The following MEF2C variants were observed in gnomAD, a reference collection of about 807,000 sequenced individuals.
MEF2C encodes myocyte-specific enhancer factor 2C.
In MEF2C, 6 loss-of-function variants were observed where a neutral mutation model predicts 50.5. The ratio of observed to expected loss-of-function variants is 0.12; its 90% confidence interval spans 0.07 to 0.23. The LOEUF (loss-of-function observed/expected upper bound fraction) is 0.23, where lower values mean the gene tolerates loss of function less well. MEF2C is among the 10% of genes least tolerant of loss of function. The pLI, the probability that MEF2C is intolerant of heterozygous loss-of-function variation, is 1.00. For missense variants in MEF2C, 276 were observed against 605.0 expected (o/e 0.46, Z 5.70); for synonymous variants, 183 against 228.0 (o/e 0.80, Z 1.78).
intron 2 of MEF2C, among the ~76,000 whole-genome samples, chr5:88,807,908 A>C (rs1801198201): frequency 3.3e-5 from 5 of 152,148 alleles, no homozygotes; most frequent in Admixed American, 2.6e-4. Context: ...TTACATTTCA[A>C]CTTGGATAAT....
At chr5:88,741,608 G>A in intron 6 of MEF2C, 2 of 981,732 alleles carry the variant, frequency 2.0e-6, no homozygotes, top group Non-Finnish European at 2.4e-6. Context: ...ATGTTATAAT[G>A]TTTGAATATG....
intron 3 of MEF2C, among the ~76,000 whole-genome samples, chr5:88,802,257 T>C (rs1798681856): frequency 6.6e-6 from 1 of 152,256 alleles, no homozygotes; most frequent in Admixed American, 6.5e-5. Context: ...ATTTTTGAGA[T>C]GAGAAAACGT....
intron 1 of MEF2C, among the ~76,000 whole-genome samples, chr5:88,893,150 CTT>C (rs1462410701): frequency 6.6e-6 from 1 of 152,072 alleles, no homozygotes; most frequent in African/African-American, 2.4e-5. Context: ...AAAAAACAGA[CTT>C]AGAGAATGTC....
chr5:88,896,714 G>A (rs1365520764), intron 1 of MEF2C, among the ~76,000 whole-genome samples: 1 of 152,110 alleles, frequency 6.6e-6, no homozygotes, highest in East Asian at 1.9e-4. Flanking sequence ...AAAAGATTTT[G>A]AACACTACTA....
intron 1 of MEF2C, among the ~76,000 whole-genome samples, chr5:88,832,467 C>T (rs145844304): frequency 6.6e-6 from 1 of 152,058 alleles, no homozygotes; most frequent in East Asian, 1.9e-4. Flanking sequence ...TTCACATATG[C>T]CCAATTGTAA....
chr5:88,839,413 CA>C (rs1187082597), intron 1 of MEF2C: 4 of 151,768 alleles, frequency 2.6e-5, no homozygotes, highest in African/African-American at 9.7e-5. Flanking sequence ...AGATGCTAGG[CA>C]GTTGATGGTG....
intron 5 of MEF2C, chr5:88,749,959 G>C (rs1022358412): frequency 6.4e-6 from 1 of 155,500 alleles, no homozygotes; most frequent in Admixed American, 6.5e-5. Flanking sequence ...GAACCTGGGA[G>C]GCAGAGCTTG....
At chr5:88,734,445 G>A in intron 6 of MEF2C, 1 of 985,250 alleles carries the variant, frequency 1.0e-6, no homozygotes, top group Non-Finnish European at 1.2e-6. Context: ...TTTGCATGGA[G>A]GAGTTATTTT....
chr5:88,793,346 T>A (rs114378323), intron 3 of MEF2C, among the ~76,000 whole-genome samples: 181 of 152,248 alleles, frequency 1.2e-3, no homozygotes, highest in African/African-American at 4.2e-3. Flanking sequence ...TAAGGGCAGG[T>A]TAATGGCAGG....
rs1759213037 is a variant in MEF2C at position 88,727,163 on chromosome 5, A to T, written c.1100+1330T>A. On this transcript the variant is annotated intron_variant, in intron 10 of 10. Transcript: ENST00000504921. ...TTACCTGAAGAAGTTCCCACAGTTA[A>T]TGTCTACTTGAATAGTTAACATTCC... is the stretch of plus-strand genomic sequence containing the variant. Among the ~76,000 whole-genome samples the T allele has an allele frequency of 2.6e-5, 4 of 152,166 alleles. No homozygotes were observed. The South Asian group carries it at 8.3e-4, about 31-fold the overall frequency.
At chr5:88,844,078 G>A (rs1191848321) in intron 1 of MEF2C, among the ~76,000 whole-genome samples, 1 of 152,138 alleles carries the variant, frequency 6.6e-6, no homozygotes, top group African/African-American at 2.4e-5. Flanking sequence ...CCAAAGTGCT[G>A]GGATTACAGG....
At chr5:88,879,533 G>A (rs554933186) in intron 1 of MEF2C, among the ~76,000 whole-genome samples, 48 of 151,982 alleles carry the variant, frequency 3.2e-4, no homozygotes, top group African/African-American at 1.0e-3. Context: ...ATTTTCTGCT[G>A]AATTACTCAA....
rs201507162 is a variant in MEF2C, at chr5:88,869,298, CATAT to C, written c.-143+13653_-143+13656del. 5.4e-4 allele frequency among the ~76,000 whole-genome samples: 55 copies of C among 101,128 alleles called. 1 individual carries two copies. Among genetic ancestry groups the C allele is most frequent in the Non-Finnish European group, 6.5e-4 (32 of 49,390 alleles). The allele number at this position is 101,128 out of a possible 152,430, so 66.3% of individuals were successfully genotyped here. A position where few individuals can be genotyped will look rare whatever the true frequency, so the allele number is the denominator to read the frequency against. On this transcript the variant is annotated intron_variant, in intron 1 of 10. Coordinates refer to ENST00000504921, the MANE Select transcript of MEF2C (RefSeq NM_002397.5). ...ATATACATATATATATATATATACA[CATAT>C]ATATATATATATACACATATAGCTT...
chr5:88,854,352 T>G (rs541820973), intron 1 of MEF2C, among the ~76,000 whole-genome samples: 25 of 152,274 alleles, frequency 1.6e-4, no homozygotes, highest in African/African-American at 1.7e-4. Context: ...ATATCCTGAA[T>G]AGAAAGGTGA....
At chr5:88,779,759 G>GTT (rs1786841044) in intron 3 of MEF2C, among the ~76,000 whole-genome samples, 1 of 51,652 alleles carries the variant, frequency 1.9e-5, no homozygotes, top group African/African-American at 1.0e-4. Context: ...AGCAAAGTGA[G>GTT]GTTTTTTTTT....
Position 88,734,735 on chromosome 5 carries a change from C to T in MEF2C, c.638-2834G>A, listed in dbSNP as rs1031909968. The T allele has an allele frequency of 1.1e-5, 11 of 982,898 alleles. No homozygotes were observed. In the African/African-American group the frequency reaches 1.8e-4, roughly 16 times the overall value. The allele number at this position is 982,898 out of a possible 1,614,324, so 60.9% of individuals were successfully genotyped here. On this transcript the variant is annotated intron_variant, in intron 6 of 10. Coordinates refer to ENST00000504921, the MANE Select transcript of MEF2C (RefSeq NM_002397.5). ...ATTGTAGCTTTTCATTCAGTAAATA[C>T]CTCAAAACTAAAAAAATTGATTTTA... is the stretch of plus-strand genomic sequence containing the variant.
In MEF2C at chr5:88,747,333, CTTTTTTTTTTTTTTTT is replaced by C. The variant is rs950842424; in HGVS notation, c.637+1721_637+1736del. ...CTCCACATTTTTTTTTTTTTTACTA[CTTTTTTTTTTTTTTTT>C]TTTTTTTTTTTTTTTTTGAGACGGA... On this transcript the variant is annotated intron_variant, in intron 6 of 10. Coordinates refer to ENST00000504921, the MANE Select transcript of MEF2C (RefSeq NM_002397.5). Among the ~76,000 whole-genome samples, 10 of 21,748 alleles carry C rather than the reference CTTTTTTTTTTTTTTTT, an allele frequency of 4.6e-4. 2 individuals are homozygous for C. The highest frequency in any genetic ancestry group is 3.4e-3 in the Admixed American group (5 of 1,488). 14.3% of individuals were successfully genotyped at this position (21,748 alleles called of 152,430 possible). A position where few individuals can be genotyped will look rare whatever the true frequency, so the allele number is the denominator to read the frequency against.
chr5:88,726,063 G>A (rs1484215147), intron 10 of MEF2C, among the ~76,000 whole-genome samples: 6 of 152,160 alleles, frequency 3.9e-5, no homozygotes, highest in Non-Finnish European at 7.4e-5. Context: ...TCAGATACTA[G>A]GTTTTAAAAG....
chr5:88,725,713 A>G (rs1305077362), intron 10 of MEF2C, among the ~76,000 whole-genome samples: 1 of 152,090 alleles, frequency 6.6e-6, no homozygotes, highest in Non-Finnish European at 1.5e-5. Flanking sequence ...ACATGACTGG[A>G]TAGTTTTATT....
Sources: allele counts gnomAD v4.1 joint callset (sites outside exome capture counted in the v4.1 genomes callset), GRCh38; gene constraint gnomAD v4.1.1; transcripts MANE v1.5; gene names NCBI Gene and HGNC (gene_info 2026-07-23, HGNC 2026-07-21).